HSF5: variants seen among roughly 807,000 people sequenced by gnomAD.
HSF5 encodes heat shock factor protein 5.
A neutral mutation model predicts 50.8 loss-of-function variants in HSF5; 5 were observed. The ratio of observed to expected loss-of-function variants is 0.10; its 90% CI spans 0.05 to 0.21. HSF5 has a LOEUF of 0.21. Among genes scored for constraint, HSF5 ranks in the 10% least tolerant of loss-of-function variants. The pLI is 1.00. For synonymous variants in HSF5, 307 were observed against 307.4 expected (o/e 1.00, Z 0.02); for missense variants, 564 against 762.6 (o/e 0.74, Z 3.07).
chr17:58,436,383 T>G (rs1433403711), intron 5 of HSF5, among the ~76,000 whole-genome samples: 1 of 152,128 alleles, frequency 6.6e-6, no homozygotes, highest in East Asian at 1.9e-4. Flanking sequence ...AGCTTAATCA[T>G]AACTCATTTT....
chr17:58,451,106 T>C (rs76953129), intron 5 of HSF5, among the ~76,000 whole-genome samples: 2,408 of 152,194 alleles, frequency 0.016, 119 homozygotes, highest in East Asian at 0.12. Context: ...ATAATGATGA[T>C]GACGATAAAG....
At chr17:58,449,423 G>C (rs909726758) in intron 5 of HSF5, among the ~76,000 whole-genome samples, 1 of 152,206 alleles carries the variant, frequency 6.6e-6, no homozygotes, top group African/African-American at 2.4e-5. Flanking sequence ...CAATGTGCCG[G>C]GCACAGTGGC....
chr17:58,466,864 C>T (rs1974874433), intron 3 of HSF5, 21 bp downstream of exon 3: 1 of 1,455,382 alleles, frequency 6.9e-7, no homozygotes, highest in Non-Finnish European at 9.7e-7. Flanking sequence ...CGGAGCATGG[C>T]CACAGTTGCA....
rs369914184 is a variant in HSF5 at position 58,468,007 on chromosome 17, T to C, written c.926-1028A>G. Among the ~76,000 whole-genome samples, 34 of 152,250 alleles carry C rather than the reference T, an allele frequency of 2.2e-4. No homozygotes were observed. In the East Asian group the frequency reaches 5.8e-3, roughly 26 times the overall value. On this transcript the variant is annotated intron_variant, in intron 2 of 5. Transcript: ENST00000323777. ...ACATACATTGCCTTTACAAAACAAG[T>C]AAACTAAAGCTCAGTGATATTAAGT...
At chr17:58,427,960 G>A (rs903118462) in intron 5 of HSF5, among the ~76,000 whole-genome samples, 5 of 152,128 alleles carry the variant, frequency 3.3e-5, no homozygotes, top group African/African-American at 7.2e-5. Flanking sequence ...ATTGTAGCAC[G>A]ACAGCAGTCA....
chr17:58,484,590 TG>T (rs1975143238), intron 1 of HSF5, among the ~76,000 whole-genome samples: 1 of 141,336 alleles, frequency 7.1e-6, no homozygotes, highest in Admixed American at 6.8e-5. Flanking sequence ...ACATGCAACC[TG>T]AAAAAAAAAA....
rs1974210916 is a variant in HSF5, at chr17:58,420,229, AATACTGAGGT to A, written c.*2121_*2130del. The stretch of plus-strand genomic sequence containing the variant: ...AATTTATCAGTGCTTAAGGTGCTGA[AATACTGAGGT>A]ACTAGTCAGGAACCTTGTTAGTTGA... On this transcript the variant is annotated 3_prime_UTR_variant, in exon 6 of 6. Transcript: ENST00000323777. The A allele has an allele frequency of 6.6e-6, 1 of 152,210 alleles. No individual in the cohort carries two copies. Among genetic ancestry groups the A allele is most frequent in the African/African-American group, 2.4e-5 (1 of 41,452 alleles). 9.4% of individuals were successfully genotyped at this position (152,210 alleles called of 1,614,324 possible).
chr17:58,454,529 C>T (rs764920463), intron 5 of HSF5, among the ~76,000 whole-genome samples: 3 of 152,114 alleles, frequency 2.0e-5, no homozygotes, highest in African/African-American at 4.8e-5. Context: ...CAAATTGGAA[C>T]GGAGAAAGTC....
At chr17:58,454,622 G>A (rs958968647) in intron 5 of HSF5, among the ~76,000 whole-genome samples, 13 of 152,116 alleles carry the variant, frequency 8.5e-5, no homozygotes, top group Non-Finnish European at 1.0e-4. Context: ...ACTAATAAAT[G>A]AATTTAGTAA....
intron 2 of HSF5, among the ~76,000 whole-genome samples, chr17:58,472,196 C>T (rs1974956149): frequency 6.6e-6 from 1 of 152,112 alleles, no homozygotes. Context: ...TGGACAGGTA[C>T]AATAGCTCAT....
chr17:58,432,698 G>A (rs953970499), intron 5 of HSF5, among the ~76,000 whole-genome samples: 16 of 152,082 alleles, frequency 1.1e-4, no homozygotes, highest in African/African-American at 3.9e-4. Context: ...TATATATATA[G>A]AAAACTATTA....
chr17:58,438,744 T>G (rs764678027), intron 5 of HSF5, among the ~76,000 whole-genome samples: 6 of 152,024 alleles, frequency 3.9e-5, no homozygotes, highest in Non-Finnish European at 8.8e-5. Context: ...CTGCCTGTGG[T>G]TGACAACTTA....
In HSF5 at chr17:58,472,311, A is replaced by AAC. The variant is rs1567916713; in HGVS notation, c.926-5333_926-5332insGT. ...GCAAGACCCTAGCTGTACCCCCCCCAAAAAAAGTGTTTTAATTAGCTGGGC... is the reference window on the plus strand; with the variant it reads ...GCAAGACCCTAGCTGTACCCCCCCCAACAAAAAAGTGTTTTAATTAGCTGGGC... On this transcript the variant is annotated intron_variant, in intron 2 of 5. Transcript: ENST00000323777. 1.6e-3 allele frequency among the ~76,000 whole-genome samples: 246 copies of AAC among 151,552 alleles called. 4 individuals carry two copies. In the South Asian group the frequency reaches 0.018, roughly 11 times the overall value.
rs1488068524 is a variant in HSF5 at position 58,480,208 on chromosome 17, A to C, written c.610T>G (p.Ser204Ala). ...TCGTGGGATGGAGTTGATACACAGG[A>C]GTAAGGAGACAAACTATCTCGACGA... ...SFRRDSLSPY[S>A]CVSTPSHDHS... The change falls in exon 2 of 6, where the codon TCC becomes GCC. Residue 204 changes from serine (S) to alanine (A), a missense_variant. Around this residue, in one of 5 missense-constraint regions of HSF5, gnomAD observed 441 missense variants for 533.6 expected, o/e 0.83. Coordinates refer to ENST00000323777, the MANE Select transcript of HSF5 (RefSeq NM_001080439.3). 1 of 1,613,906 alleles carries C rather than the reference A, an allele frequency of 6.2e-7. No homozygotes were observed.
intron 1 of HSF5, among the ~76,000 whole-genome samples, chr17:58,485,822 A>G (rs560348477): frequency 6.6e-6 from 1 of 151,534 alleles, no homozygotes; most frequent in South Asian, 2.1e-4. Context: ...ATCCCAGCAC[A>G]TTGGGAGGCC....
chr17:58,480,372 T>C, intron 1 of HSF5, 105 bp from the exon 2 acceptor site: 1 of 1,104,170 alleles, frequency 9.1e-7, no homozygotes, highest in Non-Finnish European at 1.3e-6. Context: ...CAGCCATTTT[T>C]AACACAACAG....
chr17:58,450,428 A>G (rs1974623304), intron 5 of HSF5, among the ~76,000 whole-genome samples: 1 of 152,000 alleles, frequency 6.6e-6, no homozygotes, highest in African/African-American at 2.4e-5. Context: ...CATCCAAACA[A>G]GAAGAGCATT....
chr17:58,451,917 A>T (rs1442952915), intron 5 of HSF5, among the ~76,000 whole-genome samples: 2 of 150,118 alleles, frequency 1.3e-5, no homozygotes, highest in African/African-American at 2.5e-5. Flanking sequence ...TTGAAAAGGT[A>T]AGCAAACTAA....
chr17:58,455,717 C>A (rs1297861068), intron 5 of HSF5, among the ~76,000 whole-genome samples: 1 of 151,952 alleles, frequency 6.6e-6, no homozygotes, highest in African/African-American at 2.4e-5. Flanking sequence ...ACACAAATGA[C>A]CAACAGATAT....
Sources: allele counts gnomAD v4.1 joint callset (sites outside exome capture counted in the v4.1 genomes callset), GRCh38; gene constraint gnomAD v4.1.1; regional missense constraint gnomAD v4.1.1; transcripts MANE v1.5; gene names NCBI Gene and HGNC (gene_info 2026-07-23, HGNC 2026-07-21).